NUP210L: variants seen among roughly 807,000 people sequenced by gnomAD.
NUP210L encodes nuclear pore membrane glycoprotein 210-like.
Under a neutral mutation model 208.5 loss-of-function variants are expected in NUP210L, and 74 were observed. The observed-to-expected ratio is 0.35, with a 90% CI of 0.29 to 0.43. NUP210L has a LOEUF of 0.43. NUP210L is among the 20% of genes least tolerant of loss of function. The pLI, the probability that NUP210L is intolerant of heterozygous loss-of-function variation, is 1.00. For missense variants in NUP210L, 1,843 were observed against 2,289.4 expected, an observed-to-expected ratio of 0.81 and a Z score of 3.98; for synonymous variants, 780 against 816.9, an observed-to-expected ratio of 0.95 and a Z score of 0.77.
chr1:154,118,747 A>G (rs1054550145), exon 11 of NUP210L: 1 of 1,596,370 alleles, frequency 6.3e-7, no homozygotes, highest in Non-Finnish European at 8.6e-7. Context: ...CATGATGGGA[A>G]AATAAATCTT....
Position 154,027,500 on chromosome 1 carries a change from C to A in NUP210L, c.3947+6G>T. ...CTGGCACTTCCTTATTCTCCCTTTTCCTTACCTGTTGGTATGGAGTTTGAG... is the reference window on the plus strand; with the variant it reads ...CTGGCACTTCCTTATTCTCCCTTTTACTTACCTGTTGGTATGGAGTTTGAG... On this transcript the variant is annotated splice_donor_region_variant and intron_variant, in intron 29 of 39. Transcript: ENST00000368559. 6.3e-7 allele frequency: 1 copy of A among 1,594,274 alleles called. No homozygotes were observed. The highest frequency in any genetic ancestry group is 1.1e-5 in the South Asian group (1 of 89,934).
At chr1:154,055,653 C>G (rs1382431175) in intron 23 of NUP210L, among the ~76,000 whole-genome samples, 1 of 152,166 alleles carries the variant, frequency 6.6e-6, no homozygotes, top group South Asian at 2.1e-4. Flanking sequence ...GCATCAACCT[C>G]TCAAAGTGCT....
At chr1:154,008,200 G>C (rs992201253) in intron 35 of NUP210L, among the ~76,000 whole-genome samples, 6 of 152,018 alleles carry the variant, frequency 3.9e-5, no homozygotes, top group South Asian at 2.1e-4. Flanking sequence ...ATAAATTGAA[G>C]TCACAAACAT....
At chr1:154,017,264 G>A (rs1309246978) in intron 33 of NUP210L, among the ~76,000 whole-genome samples, 13 of 148,332 alleles carry the variant, frequency 8.8e-5, no homozygotes, top group African/African-American at 2.5e-5. Flanking sequence ...CTGGGCAATA[G>A]AGCAAGATTC....
chr1:154,025,591 G>C (rs748508136), exon 30 of NUP210L: 5 of 1,613,636 alleles, frequency 3.1e-6, no homozygotes. Context: ...TTCTATAGAA[G>C]TGACTTCCAA....
At chr1:154,038,960 A>G (rs1036493793) in intron 27 of NUP210L, among the ~76,000 whole-genome samples, 3 of 152,130 alleles carry the variant, frequency 2.0e-5, no homozygotes, top group African/African-American at 7.2e-5. Context: ...ATCTTATTAT[A>G]TTGTCTTTGT....
chr1:154,112,037 C>T (rs1657066459), intron 12 of NUP210L, among the ~76,000 whole-genome samples: 1 of 151,462 alleles, frequency 6.6e-6, no homozygotes, highest in Non-Finnish European at 1.5e-5. Flanking sequence ...AAGCAATTCT[C>T]CTGCCTCAAC....
At chr1:154,063,834 G>T (rs1654260777) in intron 17 of NUP210L, among the ~76,000 whole-genome samples, 1 of 151,834 alleles carries the variant, frequency 6.6e-6, no homozygotes, top group African/African-American at 2.4e-5. Context: ...GTATTGTGAA[G>T]AAGAATCATC....
chr1:154,118,863 T>TA, intron 10 of NUP210L, 55 bp from the exon 11 acceptor site: 1 of 1,064,858 alleles, frequency 9.4e-7, no homozygotes, highest in East Asian at 2.4e-5. Context: ...ATTCTTATAA[T>TA]ACACATTCAT....
chr1:154,005,409 C>T (rs1187006580), intron 35 of NUP210L, among the ~76,000 whole-genome samples: 1 of 149,138 alleles, frequency 6.7e-6, no homozygotes, highest in South Asian at 2.1e-4. Context: ...TTGTATTTTT[C>T]GTAGATTCGG....
At chr1:154,027,432 CT>C (rs778190231) in intron 29 of NUP210L, 73 bp downstream of exon 29, 2 of 1,068,252 alleles carry the variant, frequency 1.9e-6, no homozygotes, top group Non-Finnish European at 2.8e-6. Flanking sequence ...CAAAAGTGTT[CT>C]TTCTATGTCA....
intron 23 of NUP210L, 124 bp from the exon 24 acceptor site, chr1:154,054,956 AGTG>A: frequency 1.5e-6 from 1 of 669,560 alleles, no homozygotes; most frequent in South Asian, 1.8e-5. Context: ...GCTGAAGTGC[AGTG>A]GCACGATCAC....
intron 29 of NUP210L, 62 bp downstream of exon 29, chr1:154,027,444 A>G: frequency 8.5e-7 from 1 of 1,171,340 alleles, no homozygotes; most frequent in Non-Finnish European, 1.3e-6. Context: ...TTCTATGTCA[A>G]TGTTTTACTG....
chr1:154,129,856 T>C (rs1478586396), intron 7 of NUP210L, among the ~76,000 whole-genome samples: 1 of 152,226 alleles, frequency 6.6e-6, no homozygotes, highest in Non-Finnish European at 1.5e-5. Flanking sequence ...TACCAAAATG[T>C]TCTCTGCATG....
chr1:154,153,590 G>A (rs981601021), intron 1 of NUP210L, among the ~76,000 whole-genome samples: 18 of 152,124 alleles, frequency 1.2e-4, no homozygotes, highest in African/African-American at 2.7e-4. Context: ...GATTACAGGC[G>A]TGAGCCACTG....
chr1:154,024,021 C>T (rs780222703), intron 30 of NUP210L, among the ~76,000 whole-genome samples: 2 of 151,600 alleles, frequency 1.3e-5, no homozygotes, highest in Non-Finnish European at 2.9e-5. Flanking sequence ...GAACTCCTGA[C>T]CTCGTGATCC....
At chr1:154,124,199 A>AG (rs987201862) in intron 10 of NUP210L, among the ~76,000 whole-genome samples, 3 of 151,362 alleles carry the variant, frequency 2.0e-5, no homozygotes, top group Admixed American at 6.6e-5. Context: ...AAAGAAAAAA[A>AG]AAAAAAAAGA....
intron 12 of NUP210L, among the ~76,000 whole-genome samples, chr1:154,117,164 T>C (rs1657371583): frequency 6.6e-6 from 1 of 152,234 alleles, no homozygotes; most frequent in Non-Finnish European, 1.5e-5. Flanking sequence ...CATTTTTCAA[T>C]AATTCTGATA....
At chr1:154,057,776 G>C (rs1229960124) in intron 22 of NUP210L, among the ~76,000 whole-genome samples, 1 of 150,056 alleles carries the variant, frequency 6.7e-6, no homozygotes, top group Admixed American at 6.7e-5. Flanking sequence ...TGCCCAGGCT[G>C]GAGTGCAGTG....
Sources: gnomAD v4.1 joint callset for allele counts (sites outside exome capture counted in the v4.1 genomes callset) on GRCh38, gnomAD v4.1.1 for gene constraint, MANE v1.5 for transcripts, NCBI Gene and HGNC (gene_info 2026-07-23, HGNC 2026-07-21) for gene names.